The following PCDH7 variants were observed in gnomAD, a reference collection of about 807,000 sequenced individuals.
PCDH7 encodes protocadherin 7, also known as protocadherin-7.
In PCDH7, 17 loss-of-function variants were observed where a neutral mutation model predicts 58.9. The observed-to-expected ratio is 0.29, with a 90% CI of 0.20 to 0.43. The LOEUF (loss-of-function observed/expected upper bound fraction) is 0.43. PCDH7 is among the 20% of genes least tolerant of loss of function. The pLI, the probability that PCDH7 is intolerant of heterozygous loss-of-function variation, is 1.00. For missense variants in PCDH7, 1,274 were observed against 1,441.0 expected (o/e 0.88, Z 1.88); for synonymous variants, 664 against 616.4 (o/e 1.08, Z -1.14).
chr4:30,942,453 T>C (rs1398505182), intron 2 of PCDH7, among the ~76,000 whole-genome samples: 1 of 152,012 alleles, frequency 6.6e-6, no homozygotes, highest in African/African-American at 2.4e-5. Context: ...GTGTCCTAAT[T>C]GGCAGAACTA....
At chr4:30,955,141 A>G (rs1242082083) in intron 3 of PCDH7, among the ~76,000 whole-genome samples, 1 of 152,070 alleles carries the variant, frequency 6.6e-6, no homozygotes, top group African/African-American at 2.4e-5. Flanking sequence ...TGAGGTATAC[A>G]CAGATGATTC....
intron 3 of PCDH7, among the ~76,000 whole-genome samples, chr4:31,092,674 C>G (rs1207870346): frequency 6.6e-6 from 1 of 151,996 alleles, no homozygotes; most frequent in Non-Finnish European, 1.5e-5. Flanking sequence ...AATTTAAGAG[C>G]CTCTAATTAT....
intron 1 of PCDH7, among the ~76,000 whole-genome samples, chr4:30,877,296 T>C (rs1736416126): frequency 6.6e-6 from 1 of 152,070 alleles, no homozygotes; most frequent in African/African-American, 2.4e-5. Context: ...ACAAGAACTC[T>C]CTATCTGGTA....
At chr4:30,879,244 CCTTT>C (rs1736660100) in intron 1 of PCDH7, among the ~76,000 whole-genome samples, 1 of 151,788 alleles carries the variant, frequency 6.6e-6, no homozygotes, top group African/African-American at 2.4e-5. Flanking sequence ...TTCTCTCTTT[CCTTT>C]CTTCTCTACT....
At chr4:31,146,653 T>G (rs947205742), downstream of PCDH7, 2 of 152,160 alleles carry the variant, frequency 1.3e-5, no homozygotes, top group Non-Finnish European at 2.9e-5. Context: ...CACGCAACTA[T>G]GCTTAACATG....
chr4:30,852,706 C>T (rs1350947837), intron 1 of PCDH7, among the ~76,000 whole-genome samples: 1 of 151,604 alleles, frequency 6.6e-6, no homozygotes, highest in African/African-American at 2.4e-5. Flanking sequence ...AATTTCAATA[C>T]TTTCCTGACA....
chr4:31,034,695 C>T (rs2109193021), intron 3 of PCDH7, among the ~76,000 whole-genome samples: 1 of 152,194 alleles, frequency 6.6e-6, no homozygotes, highest in East Asian at 1.9e-4. Context: ...CCATTGCTTC[C>T]ACATTTATCC....
At chr4:30,975,813 T>C (rs1487512131) in intron 3 of PCDH7, among the ~76,000 whole-genome samples, 1 of 152,230 alleles carries the variant, frequency 6.6e-6, no homozygotes, top group Non-Finnish European at 1.5e-5. Context: ...GTCACTCCCA[T>C]ATCCCTTTGA....
chr4:30,987,451 G>A (rs1751077242), intron 3 of PCDH7: 1 of 151,840 alleles, frequency 6.6e-6, no homozygotes, highest in African/African-American at 2.4e-5. Context: ...AAAATGAGGT[G>A]GATATTATTC....
intron 1 of PCDH7, among the ~76,000 whole-genome samples, chr4:30,918,554 T>A (rs764108240): frequency 4.6e-5 from 7 of 152,132 alleles, no homozygotes; most frequent in Non-Finnish European, 8.8e-5. Context: ...TGTCAGTAAA[T>A]TTAAATCCAT....
intron 1 of PCDH7, among the ~76,000 whole-genome samples, chr4:30,815,236 C>A (rs1727525876): frequency 6.6e-6 from 1 of 151,824 alleles, no homozygotes; most frequent in South Asian, 2.1e-4. Flanking sequence ...GTGAATCCAT[C>A]CATATGGGTC....
chr4:31,079,794 T>C (rs1759352061), intron 3 of PCDH7, among the ~76,000 whole-genome samples: 1 of 151,890 alleles, frequency 6.6e-6, no homozygotes, highest in Non-Finnish European at 1.5e-5. Context: ...TTACCAGAAG[T>C]CTAGATCAAC....
intron 1 of PCDH7, among the ~76,000 whole-genome samples, chr4:30,771,367 T>C (rs1721375191): frequency 6.6e-6 from 1 of 152,180 alleles, no homozygotes. Flanking sequence ...ATTCTGGGAC[T>C]CTATCCAAAC....
chr4:30,752,687 G>T (rs1718705319), intron 1 of PCDH7, among the ~76,000 whole-genome samples: 1 of 130,302 alleles, frequency 7.7e-6, no homozygotes, highest in Admixed American at 8.8e-5. Flanking sequence ...CTGAAGGTCA[G>T]AATCTCAGTG....
chr4:30,779,003 G>GTTGT (rs766842377), intron 1 of PCDH7, among the ~76,000 whole-genome samples: 2 of 73,006 alleles, frequency 2.7e-5, no homozygotes, highest in African/African-American at 1.1e-4. Context: ...TCCTTACTCC[G>GTTGT]TTTTTTTTTT....
intron 1 of PCDH7, among the ~76,000 whole-genome samples, chr4:30,774,117 T>G (rs796383917): frequency 2.2e-4 from 34 of 152,314 alleles, no homozygotes; most frequent in African/African-American, 7.5e-4. Flanking sequence ...CTTTCTGACT[T>G]TTCTCTGACC....
intron 1 of PCDH7, among the ~76,000 whole-genome samples, chr4:30,902,084 T>C (rs2109395398): frequency 6.6e-6 from 1 of 152,326 alleles, no homozygotes; most frequent in Admixed American, 6.5e-5. Context: ...AGTACTACTG[T>C]GACAAACGAT....
At chr4:30,823,616 T>C (rs1371062113) in intron 1 of PCDH7, among the ~76,000 whole-genome samples, 2 of 152,104 alleles carry the variant, frequency 1.3e-5, no homozygotes, top group Non-Finnish European at 2.9e-5. Context: ...GCGAGAACCA[T>C]TTGAAGAAAT....
chr4:31,116,978 G>T lies in PCDH7; in HGVS notation c.*8-25495G>T, dbSNP rs560952045. Among the ~76,000 whole-genome samples, 8 of 152,240 alleles carry T rather than the reference G, an allele frequency of 5.3e-5. No individual in the cohort carries two copies. In the South Asian group the frequency reaches 1.7e-3, roughly 32 times the overall value. On this transcript the variant is annotated intron_variant, in intron 3 of 3. Coordinates refer to the PCDH7 transcript ENST00000509759. Reference sequence around the variant, plus strand: ...AGACTCCTGAGTAGCTGGGATTACAGGCATGTGCCACCACATCTGGCTAAT... The same window carrying T: ...AGACTCCTGAGTAGCTGGGATTACATGCATGTGCCACCACATCTGGCTAAT...
Sources: allele counts gnomAD v4.1 joint callset (sites outside exome capture counted in the v4.1 genomes callset), GRCh38; gene constraint gnomAD v4.1.1; transcripts MANE v1.5; gene names NCBI Gene and HGNC (gene_info 2026-07-23, HGNC 2026-07-21).